PLEKHA3: variants seen among roughly 807,000 people sequenced by gnomAD.
PLEKHA3 encodes the protein pleckstrin homology domain containing A3, also known as pleckstrin homology domain-containing family A member 3.
A neutral mutation model predicts 39.2 loss-of-function variants in PLEKHA3; 19 were observed. The observed-to-expected ratio is 0.48, with a 90% CI of 0.34 to 0.71. The LOEUF is 0.71. PLEKHA3 is among the 30% of genes least tolerant of loss of function. PLEKHA3 has a pLI of 0.01. For synonymous variants in PLEKHA3, 97 were observed against 118.6 expected, an observed-to-expected ratio of 0.82 and a Z score of 1.18; for missense variants, 253 against 359.5, an observed-to-expected ratio of 0.70 and a Z score of 2.40.
rs148666328 is a variant in PLEKHA3, at chr2:178,508,898, G to C, written c.*5011G>C. On this transcript the variant is annotated 3_prime_UTR_variant, in exon 8 of 8. Coordinates refer to ENST00000234453, the MANE Select transcript of PLEKHA3 (RefSeq NM_019091.4). ...AGTAGGGGAGAGGACCTGGGTTCCAGTTGCTCTTTATACAGACTTCTAGTC... is the reference window on the plus strand; with the variant it reads ...AGTAGGGGAGAGGACCTGGGTTCCACTTGCTCTTTATACAGACTTCTAGTC... 232 of 153,884 alleles carry C rather than the reference G, an allele frequency of 1.5e-3. 5 individuals carry two copies. The South Asian group carries it at 0.023, about 15-fold the overall frequency. The allele number at this position is 153,884 out of a possible 1,614,324, so 9.5% of individuals were successfully genotyped here. A position where few individuals can be genotyped will look rare whatever the true frequency, so the allele number is the denominator to read the frequency against.
rs768131786 is a variant in PLEKHA3 at position 178,485,095 on chromosome 2, C to T, written c.41-546C>T. On this transcript the variant is annotated intron_variant, in intron 1 of 7. Transcript: ENST00000234453. The stretch of plus-strand genomic sequence containing the variant: ...TTAGAAATATGTATTTTATAAGAGG[C>T]ACATTGCAGAATTAGAGGGCTAGGT... Among the ~76,000 whole-genome samples the T allele has an allele frequency of 2.6e-5, 4 of 152,184 alleles. No homozygotes were observed. In the East Asian group the frequency reaches 5.8e-4, roughly 22 times the overall value.
chr2:178,497,164 A>T (rs927631260), intron 5 of PLEKHA3, among the ~76,000 whole-genome samples: 7 of 151,442 alleles, frequency 4.6e-5, no homozygotes, highest in African/African-American at 1.5e-4. Context: ...GCTGAAATTT[A>T]TTTGACAATT....
intron 5 of PLEKHA3, among the ~76,000 whole-genome samples, chr2:178,497,912 A>G (rs1553604357): frequency 6.6e-6 from 1 of 152,114 alleles, no homozygotes; most frequent in Non-Finnish European, 1.5e-5. Flanking sequence ...GACAAATAGC[A>G]TGGAAAGTAA....
At chr2:178,487,241 G>T (rs1422158317) in intron 2 of PLEKHA3, among the ~76,000 whole-genome samples, 1 of 152,162 alleles carries the variant, frequency 6.6e-6, no homozygotes, top group African/African-American at 2.4e-5. Context: ...AATGAAGAAT[G>T]TGGTCAGATA....
At chr2:178,495,810 A>G in intron 5 of PLEKHA3, 150 bp downstream of exon 5, 1 of 807,586 alleles carries the variant, frequency 1.2e-6, no homozygotes. Context: ...GTACTGTTTC[A>G]TATTCGAGCT....
chr2:178,495,785 T>C, intron 5 of PLEKHA3, 125 bp downstream of exon 5: 1 of 1,041,096 alleles, frequency 9.6e-7, no homozygotes, highest in South Asian at 1.6e-5. Context: ...GCTAACAAGT[T>C]GAATTTTTTT....
intron 1 of PLEKHA3, among the ~76,000 whole-genome samples, chr2:178,483,094 C>T (rs1338944760): frequency 1.3e-5 from 2 of 151,884 alleles, no homozygotes; most frequent in Non-Finnish European, 1.5e-5. Context: ...CCTGTCCCTA[C>T]AAAAATTACA....
chr2:178,486,041 C>T (rs1227043481), intron 2 of PLEKHA3, among the ~76,000 whole-genome samples: 1 of 152,082 alleles, frequency 6.6e-6, no homozygotes, highest in African/African-American at 2.4e-5. Context: ...TAGTGTCCAC[C>T]TTCAGTCTAT....
intron 1 of PLEKHA3, among the ~76,000 whole-genome samples, chr2:178,482,724 T>C (rs192862631): frequency 6.6e-6 from 1 of 152,280 alleles, no homozygotes; most frequent in Admixed American, 6.5e-5. Flanking sequence ...CCTTATCTCC[T>C]ATGGTACTAA....
chr2:178,481,570 T>A (rs779210229), intron 1 of PLEKHA3, among the ~76,000 whole-genome samples: 3 of 151,978 alleles, frequency 2.0e-5, no homozygotes, highest in Middle Eastern at 3.2e-3. Flanking sequence ...AGGAAAAACT[T>A]TGAAGAAATG....
At chr2:178,483,126 G>T (rs1402557513) in intron 1 of PLEKHA3, among the ~76,000 whole-genome samples, 1 of 152,114 alleles carries the variant, frequency 6.6e-6, no homozygotes, top group Non-Finnish European at 1.5e-5. Flanking sequence ...AGGCATGATG[G>T]CATGCACCTG....
chr2:178,489,492 C>G (rs1266505670), intron 2 of PLEKHA3, among the ~76,000 whole-genome samples: 4 of 110,852 alleles, frequency 3.6e-5, no homozygotes, highest in African/African-American at 1.4e-4. Context: ...GGGTCTTGCT[C>G]TGTTGCCCAG....
chr2:178,485,853 T>C, intron 2 of PLEKHA3, 96 bp downstream of exon 2: 2 of 854,194 alleles, frequency 2.3e-6, no homozygotes, highest in East Asian at 2.4e-5. Context: ...TCTAACCACG[T>C]AGGGATCATC....
In PLEKHA3 at chr2:178,485,548, A is replaced by G; in HGVS notation, c.41-93A>G. On this transcript the variant is annotated intron_variant, in intron 1 of 7. Coordinates refer to ENST00000234453, the MANE Select transcript of PLEKHA3 (RefSeq NM_019091.4). The stretch of plus-strand genomic sequence containing the variant: ...CGGAATGTTATTTGAGAGCCAAGAA[A>G]TAATGTGGATGGCAGGTTTTGAAAT... The G allele has an allele frequency of 9.1e-6, 7 of 766,284 alleles. No homozygotes were observed. In the South Asian group the frequency reaches 1.1e-4, roughly 13 times the overall value. The allele number at this position is 766,284 out of a possible 1,614,324, so 47.5% of individuals were successfully genotyped here. A position where few individuals can be genotyped will look rare whatever the true frequency, so the allele number is the denominator to read the frequency against.
Position 178,507,930 on chromosome 2 carries a change from T to C in PLEKHA3, c.*4043T>C, listed in dbSNP as rs374220055. On this transcript the variant is annotated 3_prime_UTR_variant, in exon 8 of 8. Transcript: ENST00000234453. ...TCTGTTTTTACACTCTGTAAGCTTT[T>C]AGGAACTTCTCATTACTTCTGATGT... 6.2e-4 allele frequency: 95 copies of C among 153,600 alleles called. No individual in the cohort carries two copies. Among genetic ancestry groups the C allele is most frequent in the Non-Finnish European group, 1.1e-3 (76 of 67,976 alleles). The allele number at this position is 153,600 out of a possible 1,614,324, so 9.5% of individuals were successfully genotyped here.
intron 5 of PLEKHA3, among the ~76,000 whole-genome samples, chr2:178,497,154 G>T (rs12052983): frequency 0.36 from 55,066 of 151,120 alleles, 11,807 homozygotes; most frequent in East Asian, 0.66. Context: ...GTACAGTGTT[G>T]CTGAAATTTA....
intron 5 of PLEKHA3, among the ~76,000 whole-genome samples, chr2:178,497,369 C>T (rs1685465417): frequency 6.6e-6 from 1 of 151,554 alleles, no homozygotes; most frequent in Non-Finnish European, 1.5e-5. Flanking sequence ...CAGATGGGAC[C>T]ACAGGCGCCT....
At chr2:178,495,730 A>G (rs1685431564) in intron 5 of PLEKHA3, 70 bp downstream of exon 5, 16 of 1,495,398 alleles carry the variant, frequency 1.1e-5, no homozygotes, top group African/African-American at 1.4e-5. Context: ...TCATTTTGGT[A>G]TTTATTTTTA....
chr2:178,491,076 T>C (rs1012347678), intron 3 of PLEKHA3, among the ~76,000 whole-genome samples: 3 of 149,772 alleles, frequency 2.0e-5, no homozygotes, highest in Non-Finnish European at 4.4e-5. Flanking sequence ...AATGGCGCGA[T>C]CTCGGCTTAC....
Sources: gnomAD v4.1 joint callset for allele counts (sites outside exome capture counted in the v4.1 genomes callset) on GRCh38, gnomAD v4.1.1 for gene constraint, MANE v1.5 for transcripts, NCBI Gene and HGNC (gene_info 2026-07-23, HGNC 2026-07-21) for gene names.